ZNF723: variants seen among roughly 807,000 people sequenced by gnomAD.
The protein encoded by ZNF723 is zinc finger protein 723.
Under a neutral mutation model 9.4 loss-of-function variants are expected in ZNF723, and 5 were observed. The ratio of observed to expected loss-of-function variants is 0.53; its 90% CI spans 0.28 to 1.12. The LOEUF (loss-of-function observed/expected upper bound fraction) is 1.12. Ranked by LOEUF, ZNF723 falls within the 50% of genes most tolerant of loss-of-function variation. The probability of loss-of-function intolerance (pLI) is 0.10; values close to 1 mark genes in which losing one functional copy is unlikely to be tolerated. For missense variants in ZNF723, 450 were observed against 501.5 expected (o/e 0.90, Z 0.98); for synonymous variants, 158 against 168.8 (o/e 0.94, Z 0.49).
chr19:22,822,611 C>T, the ZNF723 span, among the ~76,000 whole-genome samples: 1 of 152,258 alleles, frequency 6.6e-6, no homozygotes. Context: ...GCCTGTAATT[C>T]CATCAGTTTG....
chr19:22,832,396 G>C lies in ZNF723; in HGVS notation c.3+14G>C. 2.9e-6 allele frequency: 4 copies of C among 1,377,412 alleles called. No homozygotes were observed. Among genetic ancestry groups the C allele is most frequent in the Non-Finnish European group, 4.1e-6 (4 of 982,306 alleles). 85.3% of individuals were successfully genotyped at this position (1,377,412 alleles called of 1,614,324 possible). ...AGCCTAGAAATGGTGAGAGTACCGG[G>C]TCCGACATCCCGAGAGAGGGGAAGG... On this transcript the variant is annotated intron_variant, in intron 1 of 3. Transcript: ENST00000600766.
chr19:22,857,184 TA>T lies in ZNF723; in HGVS notation c.295del (p.Ile99TyrfsTer2). The T allele has an allele frequency of 3.1e-6, 3 of 969,514 alleles. No individual in the cohort carries two copies. Among genetic ancestry groups the T allele is most frequent in the South Asian group, 1.6e-5 (1 of 64,250 alleles). 60.1% of individuals were successfully genotyped at this position (969,514 alleles called of 1,614,324 possible). ...GGCATAAAAGATTCTTTCCAAAAAG[TA>T]ATACTGAGAAGCTATGGAAAATATG... ...EQGIKDSFQKVILRSYGKYGH... is the reference protein window; with the variant it reads ...EQGIKDSFQKXILRSYGKYGH... On this transcript the variant is annotated frameshift_variant, in exon 4 of 4. Coordinates refer to ENST00000600766, the MANE Select transcript of ZNF723 (RefSeq NM_001349726.2). LOFTEE classifies it low-confidence loss of function (END_TRUNC).
At chr19:22,848,642 T>C (rs970396594) in intron 2 of ZNF723, among the ~76,000 whole-genome samples, 1 of 152,124 alleles carries the variant, frequency 6.6e-6, no homozygotes, top group Non-Finnish European at 1.5e-5. Context: ...ATTTCAAAAT[T>C]TAGTGACATA....
chr19:22,852,299 A>T (rs1203810630), intron 3 of ZNF723, among the ~76,000 whole-genome samples: 1 of 152,158 alleles, frequency 6.6e-6, no homozygotes, highest in South Asian at 2.1e-4. Flanking sequence ...ATGCCACCTC[A>T]TAGCAGTTAA....
Position 22,858,383 on chromosome 19 carries a change from A to C in ZNF723, c.1492A>C (p.Arg498=), listed in dbSNP as rs560861142. 1.4e-5 allele frequency: 12 copies of C among 837,688 alleles called. No individual in the cohort carries two copies. In the Admixed American group the frequency reaches 2.7e-4, roughly 19 times the overall value. The allele number at this position is 837,688 out of a possible 1,614,324, so 51.9% of individuals were successfully genotyped here. A position where few individuals can be genotyped will look rare whatever the true frequency, so the allele number is the denominator to read the frequency against. The part of the protein sequence containing the change: ...KAFNKSSILN[R]HKIIHTKEKS... ...CTTTAACAAGTCCTCAATTCTTAAC[A>C]GACATAAGATAATTCATACTAAAGA... Residue 498 remains arginine, a synonymous_variant, in exon 4 of 4, where the codon AGA becomes CGA. Transcript: ENST00000600766.
Position 22,857,509 on chromosome 19 carries a change from T to C in ZNF723, c.618T>C (p.Cys206=). Residue 206 remains cysteine, a synonymous_variant, in exon 4 of 4, where the codon TGT becomes TGC. Transcript: ENST00000600766. ...TGAATTGTTACAAATGTGAAGAATG[T>C]GGCAAAGCCTTTAGTGTGCCCTCAA... ...TRVNCYKCEE[C]GKAFSVPSKL... is the part of the protein sequence containing the mutation. 1 of 1,204,862 alleles carries C rather than the reference T, an allele frequency of 8.3e-7. No individual in the cohort carries two copies. Among genetic ancestry groups the C allele is most frequent in the Non-Finnish European group, 1.2e-6 (1 of 809,680 alleles). 74.6% of individuals were successfully genotyped at this position (1,204,862 alleles called of 1,614,324 possible). A position where few individuals can be genotyped will look rare whatever the true frequency, so the allele number is the denominator to read the frequency against.
At chr19:22,850,506 T>TC (rs71163411) in intron 3 of ZNF723, among the ~76,000 whole-genome samples, 7 of 143,988 alleles carry the variant, frequency 4.9e-5, no homozygotes, top group Non-Finnish European at 7.5e-5. Flanking sequence ...TTTTTTTTTT[T>TC]CTTTTTACTG....
intron 2 of ZNF723, 81 bp downstream of exon 2, chr19:22,848,468 G>T: frequency 9.3e-7 from 1 of 1,076,402 alleles, no homozygotes; most frequent in Non-Finnish European, 1.3e-6. Flanking sequence ...TTTGGTAATT[G>T]ATGCTTTGCA....
chr19:22,826,435 A>G, the ZNF723 span, among the ~76,000 whole-genome samples: 78 of 152,372 alleles, frequency 5.1e-4, no homozygotes, highest in Non-Finnish European at 8.7e-4. Context: ...AATATCAAAA[A>G]GGATTACATC....
chr19:22,836,344 C>T (rs1426601730), intron 1 of ZNF723, among the ~76,000 whole-genome samples: 2 of 151,960 alleles, frequency 1.3e-5, no homozygotes, highest in Non-Finnish European at 2.9e-5. Context: ...GAGGCAGTTT[C>T]TAGACTTTTA....
At chr19:22,829,897 C>T (rs1283627958), upstream of ZNF723, among the ~76,000 whole-genome samples, 1 of 152,078 alleles carries the variant, frequency 6.6e-6, no homozygotes, top group Non-Finnish European at 1.5e-5. Context: ...TTCTGTACAT[C>T]CTTGAATTTT....
intron 1 of ZNF723, among the ~76,000 whole-genome samples, chr19:22,838,769 T>C (rs1568403758): frequency 6.6e-6 from 1 of 152,074 alleles, no homozygotes; most frequent in Non-Finnish European, 1.5e-5. Context: ...TTTTTTGAGA[T>C]GGAGTTTCAC....
the ZNF723 span, among the ~76,000 whole-genome samples, chr19:22,822,017 G>A: frequency 6.6e-6 from 1 of 152,146 alleles, no homozygotes; most frequent in Non-Finnish European, 1.5e-5. Flanking sequence ...GGCTGAGGCA[G>A]GAGAATCACT....
chr19:22,832,090 G>C (rs1198651893), upstream of ZNF723, among the ~76,000 whole-genome samples: 1 of 152,122 alleles, frequency 6.6e-6, no homozygotes, highest in Non-Finnish European at 1.5e-5. Flanking sequence ...TCATTTCAGG[G>C]AGGAAGCCCT....
intron 1 of ZNF723, among the ~76,000 whole-genome samples, chr19:22,842,050 G>T (rs528123976): frequency 6.6e-6 from 1 of 152,238 alleles, no homozygotes; most frequent in Admixed American, 6.5e-5. Flanking sequence ...TGTCCCCAAG[G>T]CCAGAGTGCA....
chr19:22,847,334 T>TA (rs1413603231), intron 1 of ZNF723, among the ~76,000 whole-genome samples: 7 of 152,048 alleles, frequency 4.6e-5, no homozygotes, highest in Admixed American at 4.6e-4. Context: ...TGCTCTTTCT[T>TA]AGAGTTTCTT....
Position 22,858,443 on chromosome 19 carries a change from T to C in ZNF723, c.*10T>C. On this transcript the variant is annotated 3_prime_UTR_variant, in exon 4 of 4. Coordinates refer to ENST00000600766, the MANE Select transcript of ZNF723 (RefSeq NM_001349726.2). ...AACCTTAAAGATGTGACAATGCTTT[T>C]TATGAAATCCCAAACTTTTTTAAAC... 1 of 667,254 alleles carries C rather than the reference T, an allele frequency of 1.5e-6. No individual in the cohort carries two copies. The highest frequency in any genetic ancestry group is 2.5e-6 in the Non-Finnish European group (1 of 393,140). 41.3% of individuals were successfully genotyped at this position (667,254 alleles called of 1,614,324 possible).
the ZNF723 span, among the ~76,000 whole-genome samples, chr19:22,820,090 C>A: frequency 6.6e-6 from 1 of 151,930 alleles, no homozygotes; most frequent in African/African-American, 2.4e-5. Context: ...TTTTATCCAG[C>A]CCCCACATAT....
chr19:22,817,549 C>T, the ZNF723 span, among the ~76,000 whole-genome samples: 1 of 151,878 alleles, frequency 6.6e-6, no homozygotes, highest in Admixed American at 6.6e-5. Context: ...TATTGCTGGG[C>T]CCAGCACTGA....
Sources: gnomAD v4.1 joint callset for allele counts (sites outside exome capture counted in the v4.1 genomes callset) on GRCh38, gnomAD v4.1.1 for gene constraint, MANE v1.5 for transcripts, NCBI Gene and HGNC (gene_info 2026-07-23, HGNC 2026-07-21) for gene names.